The following PARD3 variants were observed in gnomAD, a reference collection of about 807,000 sequenced individuals.
PARD3 encodes par-3 family cell polarity regulator.
A neutral mutation model predicts 155.4 loss-of-function variants in PARD3; 75 were observed. The ratio of observed to expected loss-of-function variants is 0.48; its 90% confidence interval spans 0.40 to 0.58. The LOEUF is 0.58. PARD3 is among the 20% of genes least tolerant of loss of function. PARD3 has a pLI of 0.00. For missense variants in PARD3, 1,642 were observed against 1,721.7 expected, an observed-to-expected ratio of 0.95 and a Z score of 0.82; for synonymous variants, 576 against 610.5, an observed-to-expected ratio of 0.94 and a Z score of 0.83.
At chr10:34,548,764 T>G (rs1200693050) in intron 2 of PARD3, among the ~76,000 whole-genome samples, 3 of 151,014 alleles carry the variant, frequency 2.0e-5, no homozygotes, top group African/African-American at 7.3e-5. Context: ...GAAGGCAGCC[T>G]TTTATTGGCT....
chr10:34,292,151 T>A (rs1956703661), intron 20 of PARD3, among the ~76,000 whole-genome samples: 1 of 152,188 alleles, frequency 6.6e-6, no homozygotes, highest in Non-Finnish European at 1.5e-5. Context: ...CACGTCAAAC[T>A]GCCCAAACCC....
At chr10:34,211,133 G>A (rs144092633) in intron 22 of PARD3, among the ~76,000 whole-genome samples, 15 of 152,298 alleles carry the variant, frequency 9.8e-5, no homozygotes, top group South Asian at 4.2e-4. Context: ...GAAACGCACC[G>A]ATAAACATTC....
intron 2 of PARD3, among the ~76,000 whole-genome samples, chr10:34,540,136 T>A (rs1271008695): frequency 1.3e-5 from 2 of 152,152 alleles, no homozygotes; most frequent in Admixed American, 6.5e-5. Context: ...TTCTTCATGC[T>A]GCCTGCCTCC....
rs958334645 is a variant in PARD3, at chr10:34,399,469, CCAAAA to C, written c.807-61_807-57del. On this transcript the variant is annotated intron_variant, in intron 6 of 24. Transcript: ENST00000374788. ...AACGTGTACTGTAAACAAACCAAAA[CCAAAA>C]CAAAACAAAACAAAAAACTGCAACA... 2.4e-5 allele frequency: 28 copies of C among 1,178,754 alleles called. No individual in the cohort carries two copies. The Admixed American group carries it at 2.8e-4, about 12-fold the overall frequency. The allele number at this position is 1,178,754 out of a possible 1,614,324, so 73.0% of individuals were successfully genotyped here.
chr10:34,594,823 G>A (rs2089095501), intron 2 of PARD3, among the ~76,000 whole-genome samples: 1 of 152,034 alleles, frequency 6.6e-6, no homozygotes, highest in Non-Finnish European at 1.5e-5. Context: ...GTGAGACCCT[G>A]TCTCAAAAAA....
intron 3 of PARD3, among the ~76,000 whole-genome samples, chr10:34,514,986 C>T (rs1357209964): frequency 2.6e-5 from 4 of 152,176 alleles, no homozygotes; most frequent in Admixed American, 1.3e-4. Context: ...TAAGTATACA[C>T]ATTACAGTGT....
chr10:34,619,835 C>T (rs982097865), intron 2 of PARD3, among the ~76,000 whole-genome samples: 3 of 152,164 alleles, frequency 2.0e-5, no homozygotes, highest in Non-Finnish European at 4.4e-5. Context: ...TGTTTGAGAG[C>T]TCTGACTTCA....
At chr10:34,195,574 G>C (rs1950899187) in intron 22 of PARD3, among the ~76,000 whole-genome samples, 1 of 152,170 alleles carries the variant, frequency 6.6e-6, no homozygotes, top group Non-Finnish European at 1.5e-5. Context: ...TATTGGACAG[G>C]AAACACATTC....
chr10:34,127,205 G>A (rs921778825), intron 23 of PARD3, among the ~76,000 whole-genome samples: 39 of 152,284 alleles, frequency 2.6e-4, no homozygotes, highest in Non-Finnish European at 1.0e-4. Flanking sequence ...ATACTAAGAC[G>A]TAGGAAATAC....
intron 21 of PARD3, among the ~76,000 whole-genome samples, chr10:34,273,255 C>A (rs904345143): frequency 7.3e-5 from 11 of 150,964 alleles, no homozygotes; most frequent in Non-Finnish European, 1.2e-4. Flanking sequence ...TAGTTAAAAA[C>A]AAAAAAAACA....
At chr10:34,569,174 T>C (rs888771490) in intron 2 of PARD3, among the ~76,000 whole-genome samples, 2 of 151,992 alleles carry the variant, frequency 1.3e-5, no homozygotes, top group African/African-American at 4.8e-5. Context: ...ATGAGAAAAA[T>C]TGTATTGCAT....
rs558546147 is a variant in PARD3 at position 34,420,900 on chromosome 10, G to A, written c.715-18983C>T. ...AATTTTAAACTGCAAAACAGGCCAGGAGTAGTGACTCATGTCTGTAATCCC... is the reference window on the plus strand; with the variant it reads ...AATTTTAAACTGCAAAACAGGCCAGAAGTAGTGACTCATGTCTGTAATCCC... On this transcript the variant is annotated intron_variant, in intron 5 of 24. Coordinates refer to ENST00000374788, the MANE Select transcript of PARD3 (RefSeq NM_001184785.2). 3.3e-5 allele frequency among the ~76,000 whole-genome samples: 5 copies of A among 152,316 alleles called. No individual in the cohort carries two copies. In the South Asian group the frequency reaches 1.0e-3, roughly 32 times the overall value.
chr10:34,301,023 T>C (rs2053448), intron 20 of PARD3, among the ~76,000 whole-genome samples: 103,741 of 152,142 alleles, frequency 0.68, 36,393 homozygotes, highest in African/African-American at 0.85. Context: ...TAGGATTCAC[T>C]TAATGTCACC....
Position 34,111,298 on chromosome 10 carries a change from C to A in PARD3, c.3933G>T (p.Lys1311Asn). 1 of 1,614,062 alleles carries A rather than the reference C, an allele frequency of 6.2e-7. No individual in the cohort carries two copies. The highest frequency in any genetic ancestry group is 1.3e-5 in the African/African-American group (1 of 75,054). ...SEGPSNYDSY[K>N]KVQDPSYAPP... Reference sequence around the variant, plus strand: ...GGGCGTAACTGGGGTCCTGGACTTTCTTATACGAGTCATAGTTGCTGGGCC... The same window carrying A: ...GGGCGTAACTGGGGTCCTGGACTTTATTATACGAGTCATAGTTGCTGGGCC... The change falls in exon 25 of 25, where the codon AAG (lysine) becomes AAT (asparagine). Residue 1311 changes from lysine to asparagine, a missense_variant. Coordinates refer to ENST00000374788, the MANE Select transcript of PARD3 (RefSeq NM_001184785.2).
intron 1 of PARD3, among the ~76,000 whole-genome samples, chr10:34,720,916 TA>T (rs1405448745): frequency 1.3e-5 from 2 of 152,206 alleles, no homozygotes; most frequent in Non-Finnish European, 2.9e-5. Context: ...AAATCTACCA[TA>T]ATTTACACAA....
At chr10:34,526,240 A>G (rs2082473877) in intron 2 of PARD3, among the ~76,000 whole-genome samples, 1 of 152,096 alleles carries the variant, frequency 6.6e-6, no homozygotes, top group Admixed American at 6.5e-5. Context: ...CACAGCACCA[A>G]TCACAATGTT....
chr10:34,714,649 G>A (rs1472369347), intron 1 of PARD3, among the ~76,000 whole-genome samples: 1 of 152,096 alleles, frequency 6.6e-6, no homozygotes, highest in East Asian at 1.9e-4. Flanking sequence ...CTCCTTGCAG[G>A]ATACTCCTAC....
At chr10:34,288,005 G>C (rs1956484061) in intron 20 of PARD3, among the ~76,000 whole-genome samples, 1 of 152,146 alleles carries the variant, frequency 6.6e-6, no homozygotes, top group Non-Finnish European at 1.5e-5. Context: ...AAGGTCAGGA[G>C]TTCAAGACCA....
chr10:34,275,465 T>C (rs892699817), intron 21 of PARD3, among the ~76,000 whole-genome samples: 3 of 152,204 alleles, frequency 2.0e-5, no homozygotes, highest in Admixed American at 6.5e-5. Context: ...AATAGCACTT[T>C]AGAGTAGACT....
Sources: gnomAD v4.1 joint callset for allele counts (sites outside exome capture counted in the v4.1 genomes callset) on GRCh38, gnomAD v4.1.1 for gene constraint, MANE v1.5 for transcripts, NCBI Gene and HGNC (gene_info 2026-07-23, HGNC 2026-07-21) for gene names.